GSE1: variants seen among roughly 807,000 people sequenced by gnomAD.
GSE1 encodes the protein Gse1 coiled-coil protein, also known as genetic suppressor element 1.
In GSE1, 32 loss-of-function variants were observed where a neutral mutation model predicts 112.6. The ratio of observed to expected loss-of-function variants is 0.28; its 90% CI spans 0.21 to 0.38. The LOEUF (loss-of-function observed/expected upper bound fraction) is 0.38, where lower values mean the gene tolerates loss of function less well. Ranked by LOEUF, GSE1 falls within the 10% of genes least tolerant of loss-of-function variation. The probability of loss-of-function intolerance (pLI) is 1.00; values close to 1 mark genes in which losing one functional copy is unlikely to be tolerated. For synonymous variants in GSE1, 1,115 were observed against 735.6 expected (o/e 1.52, Z -8.35); for missense variants, 2,348 against 1,699.2 (o/e 1.38, Z -6.71).
At chr16:85,317,501 G>A (rs1206706254) in intron 1 of GSE1, among the ~76,000 whole-genome samples, 1 of 152,172 alleles carries the variant, frequency 6.6e-6, no homozygotes, top group African/African-American at 2.4e-5. Context: ...GCCTAGGCCT[G>A]ATCTGCACAG....
intron 1 of GSE1, among the ~76,000 whole-genome samples, chr16:85,267,395 C>G (rs565900500): frequency 1.3e-5 from 2 of 152,254 alleles, no homozygotes; most frequent in East Asian, 3.9e-4. Flanking sequence ...CCATCACCCC[C>G]TCGGTGACTT....
chr16:85,528,987 A>T (rs550298744), intron 2 of GSE1, among the ~76,000 whole-genome samples: 5 of 152,254 alleles, frequency 3.3e-5, no homozygotes, highest in African/African-American at 9.6e-5. Flanking sequence ...TCAGAATCAA[A>T]TGGGAGCCAT....
At chr16:85,560,062 C>T (rs546617928) in intron 1 of GSE1, among the ~76,000 whole-genome samples, 192 of 150,474 alleles carry the variant, frequency 1.3e-3, no homozygotes, top group African/African-American at 4.2e-3. Flanking sequence ...TATTTTGTCA[C>T]GGTCATTATT....
Position 85,388,251 on chromosome 16 carries a change from A to G in GSE1, c.2464+30608A>G, listed in dbSNP as rs1316671059. On this transcript the variant is annotated intron_variant, in intron 2 of 2. Transcript: ENST00000637419. The stretch of plus-strand genomic sequence containing the variant: ...ACATGGGTGGATGGATGGATGGATG[A>G]ATGGATGTATGGCTGGATGGATGGG... Among the ~76,000 whole-genome samples the G allele has an allele frequency of 3.1e-4, 28 of 89,878 alleles. 1 individual carries two copies. Among genetic ancestry groups the G allele is most frequent in the African/African-American group, 5.6e-4 (12 of 21,262 alleles). 59.0% of individuals were successfully genotyped at this position (89,878 alleles called of 152,430 possible).
intron 2 of GSE1, among the ~76,000 whole-genome samples, chr16:85,380,000 T>C (rs892325977): frequency 6.6e-6 from 1 of 152,192 alleles, no homozygotes; most frequent in African/African-American, 2.4e-5. Context: ...GGCTTTAATT[T>C]CCAAATCCAA....
rs370327689 is a variant in GSE1 at position 85,334,587 on chromosome 16, G to C, written c.2284-22876G>C. On this transcript the variant is annotated intron_variant, in intron 1 of 2. Transcript: ENST00000637419. Reference sequence around the variant, plus strand: ...CTCTGAGGTGCAGGGGCAGTGCATTGACTTTTGGGGACGCTTGGCGTGGGG... The same window carrying C: ...CTCTGAGGTGCAGGGGCAGTGCATTCACTTTTGGGGACGCTTGGCGTGGGG... Among the ~76,000 whole-genome samples the C allele has an allele frequency of 1.2e-4, 18 of 152,340 alleles. No individual in the cohort carries two copies. The East Asian group carries it at 2.1e-3, about 18-fold the overall frequency.
At chr16:85,317,625 C>T (rs983120256) in intron 1 of GSE1, among the ~76,000 whole-genome samples, 1 of 152,200 alleles carries the variant, frequency 6.6e-6, no homozygotes, top group Non-Finnish European at 1.5e-5. Context: ...CCAGTGCCCA[C>T]GGTCAGCACT....
chr16:85,174,201 G>A (rs955588655), intron 1 of GSE1, among the ~76,000 whole-genome samples: 1 of 152,232 alleles, frequency 6.6e-6, no homozygotes, highest in Non-Finnish European at 1.5e-5. Context: ...GGGATGAGAG[G>A]AAATAAGGTT....
intron 13 of GSE1, chr16:85,666,582 T>C: frequency 1.8e-6 from 1 of 568,722 alleles, no homozygotes; most frequent in Non-Finnish European, 3.1e-6. Flanking sequence ...GCTGACGCTG[T>C]GCTGTGAGCA....
chr16:85,614,570 GC>G lies in GSE1; in HGVS notation c.7+1175del, dbSNP rs149524016. On this transcript the variant is annotated intron_variant, in intron 1 of 15. Transcript: ENST00000253458. Reference sequence around the variant, plus strand: ...CATTAGATGGGGGAGTGGAGGCTGCGCCCTTTCCACGTGGTGGGCCGGGGGC... The same window carrying G: ...CATTAGATGGGGGAGTGGAGGCTGCGCCTTTCCACGTGGTGGGCCGGGGGC... Among the ~76,000 whole-genome samples the G allele has an allele frequency of 6.1e-3, 930 of 152,290 alleles. 7 individuals are homozygous for G. Among genetic ancestry groups the G allele is most frequent in the African/African-American group, 0.021 (888 of 41,552 alleles).
chr16:85,637,076 G>A (rs1376610763), intron 2 of GSE1, among the ~76,000 whole-genome samples: 2 of 152,218 alleles, frequency 1.3e-5, no homozygotes, highest in Non-Finnish European at 2.9e-5. Context: ...CTGTAGAAGC[G>A]CATGATTTGG....
chr16:85,303,109 A>G (rs1597340314), intron 1 of GSE1, among the ~76,000 whole-genome samples: 2 of 152,180 alleles, frequency 1.3e-5, no homozygotes, highest in Admixed American at 1.3e-4. Flanking sequence ...GAGCGAGGAA[A>G]CGGGTTTAGT....
chr16:85,401,232 A>G (rs1212906865), intron 2 of GSE1, among the ~76,000 whole-genome samples: 1 of 152,122 alleles, frequency 6.6e-6, no homozygotes, highest in Non-Finnish European at 1.5e-5. Flanking sequence ...ATTTCACATT[A>G]TTCTCCCTGA....
chr16:85,506,215 G>A (rs796640128), intron 2 of GSE1, among the ~76,000 whole-genome samples: 11 of 152,304 alleles, frequency 7.2e-5, no homozygotes, highest in African/African-American at 2.2e-4. Flanking sequence ...CGTCCCTGAC[G>A]GTCACCGCCA....
chr16:85,535,673 A>G (rs988314722), intron 2 of GSE1, among the ~76,000 whole-genome samples: 4 of 152,138 alleles, frequency 2.6e-5, no homozygotes, highest in African/African-American at 9.7e-5. Flanking sequence ...AGTAGGTCCT[A>G]TCACTGACCT....
In GSE1 at chr16:85,672,474, C is replaced by A. The variant is rs1567775423; in HGVS notation, c.3589C>A (p.Arg1197=). Residue 1197 remains arginine, a synonymous_variant, in exon 16 of 16, where the codon CGA becomes AGA. Transcript: ENST00000253458. The part of the protein sequence containing the change: ...ERLQAELDHL[R]KCLALPAMHW... ...GCTCCAGGCAGAACTGGACCACTTA[C>A]GAAAGTGCCTTGCCTTGCCTGCAAT... 1 of 1,611,202 alleles carries A rather than the reference C, an allele frequency of 6.2e-7. No individual in the cohort carries two copies. Among genetic ancestry groups the A allele is most frequent in the Admixed American group, 1.7e-5 (1 of 59,968 alleles).
chr16:85,235,902 C>T (rs1428099298), intron 1 of GSE1, among the ~76,000 whole-genome samples: 1 of 151,962 alleles, frequency 6.6e-6, no homozygotes, highest in Non-Finnish European at 1.5e-5. Context: ...CCCGCGCTGG[C>T]CGGGCGCTAC....
chr16:85,616,410 G>A (rs1159337999), intron 1 of GSE1, among the ~76,000 whole-genome samples: 1 of 152,226 alleles, frequency 6.6e-6, no homozygotes, highest in Non-Finnish European at 1.5e-5. Context: ...TAGCAGGGCC[G>A]GTTTTTCCTG....
chr16:85,509,862 C>T (rs2051673333), intron 2 of GSE1, among the ~76,000 whole-genome samples: 1 of 152,204 alleles, frequency 6.6e-6, no homozygotes, highest in African/African-American at 2.4e-5. Context: ...AGGAGACCCC[C>T]CCAGCCCCCA....
Sources: allele counts gnomAD v4.1 joint callset (sites outside exome capture counted in the v4.1 genomes callset), GRCh38; gene constraint gnomAD v4.1.1; transcripts MANE v1.5; gene names NCBI Gene and HGNC (gene_info 2026-07-23, HGNC 2026-07-21).